Variants in BBS2 observed in about 807,000 individuals in gnomAD.
The protein encoded by BBS2 is Bardet-Biedl syndrome 2.
Under a neutral mutation model 83.0 loss-of-function variants are expected in BBS2, and 62 were observed. The observed-to-expected ratio is 0.75, with a 90% CI of 0.61 to 0.92. BBS2 has a LOEUF of 0.92. Ranked by LOEUF, BBS2 falls within the 40% of genes least tolerant of loss-of-function variation. The pLI is 0.00. For synonymous variants in BBS2, 303 were observed against 326.1 expected (o/e 0.93, Z 0.76); for missense variants, 784 against 901.0 (o/e 0.87, Z 1.66).
chr16:56,505,105 G>A (rs1264959281), intron 7 of BBS2, among the ~76,000 whole-genome samples: 5 of 152,084 alleles, frequency 3.3e-5, no homozygotes, highest in Non-Finnish European at 7.4e-5. Flanking sequence ...CCCACCCTAT[G>A]GTATTTTGTT....
chr16:56,498,688 GT>G, intron 12 of BBS2, 120 bp from the exon 13 acceptor site: 1 of 1,538,332 alleles, frequency 6.5e-7, no homozygotes. Context: ...CTTCTTTCTA[GT>G]TTTACTGCTT....
intron 16 of BBS2, among the ~76,000 whole-genome samples, 157 bp from the exon 17 acceptor site, chr16:56,485,024 G>A (rs565503337): frequency 6.6e-6 from 1 of 152,214 alleles, no homozygotes; most frequent in African/African-American, 2.4e-5. Context: ...CTTGGTGAGG[G>A]AATTATTGAA....
chr16:56,480,679 A>C (rs1307459327), downstream of BBS2, among the ~76,000 whole-genome samples: 1 of 152,264 alleles, frequency 6.6e-6, no homozygotes, highest in South Asian at 2.1e-4. Flanking sequence ...CTTGAATAAG[A>C]AGTTTTGGGG....
At chr16:56,498,323 G>T in intron 13 of BBS2, 114 bp downstream of exon 13, 1 of 1,370,160 alleles carries the variant, frequency 7.3e-7, no homozygotes, top group Non-Finnish European at 1.0e-6. Flanking sequence ...ACCTCACTTT[G>T]GACTGAATGG....
intron 15 of BBS2, 70 bp from the exon 16 acceptor site, chr16:56,485,808 T>G: frequency 2.1e-6 from 3 of 1,429,838 alleles, no homozygotes; most frequent in Non-Finnish European, 2.9e-6. Context: ...ACTTGCAAAT[T>G]TCTTAGACAT....
At chr16:56,472,283 TTC>T (rs1246670846) in intron 17 of BBS2, among the ~76,000 whole-genome samples, 1 of 152,144 alleles carries the variant, frequency 6.6e-6, no homozygotes, top group Non-Finnish European at 1.5e-5. Flanking sequence ...ACTTGTCCAG[TTC>T]TATTCCTTTT....
chr16:56,498,779 A>ACC, intron 12 of BBS2: 1 of 1,351,702 alleles, frequency 7.4e-7, no homozygotes, highest in Non-Finnish European at 9.9e-7. Context: ...CCCTTTTCTC[A>ACC]CCTCACCTAT....
At chr16:56,474,800 A>G (rs1156364973) in intron 17 of BBS2, 1 of 1,585,328 alleles carries the variant, frequency 6.3e-7, no homozygotes, top group African/African-American at 1.4e-5. Flanking sequence ...TATTTTTTAA[A>G]GTTTCTCATC....
chr16:56,508,824 T>A (rs1448809685), intron 5 of BBS2, among the ~76,000 whole-genome samples: 1 of 151,974 alleles, frequency 6.6e-6, no homozygotes, highest in African/African-American at 2.4e-5. Flanking sequence ...TTTTTTAATA[T>A]TTTTTGTAGA....
At chr16:56,498,378 A>C (rs1015427315) in intron 13 of BBS2, 59 bp downstream of exon 13, 6 of 1,588,928 alleles carry the variant, frequency 3.8e-6, no homozygotes, top group Non-Finnish European at 4.3e-6. Flanking sequence ...TCCATGGTCT[A>C]AGTGTTTGAA....
chr16:56,497,671 T>C lies in BBS2; in HGVS notation c.1797+72A>G. 8 of 1,582,994 alleles carry C rather than the reference T, an allele frequency of 5.1e-6. No homozygotes were observed. In the South Asian group the frequency reaches 8.9e-5, roughly 18 times the overall value. On this transcript the variant is annotated intron_variant, in intron 14 of 16. Coordinates refer to ENST00000245157, the MANE Select transcript of BBS2 (RefSeq NM_031885.5). ...CATCACTATAACATAAGTACATTTG[T>C]AGTACCATTAATCTCCTCAAATATT... is the stretch of plus-strand genomic sequence containing the variant.
downstream of BBS2, among the ~76,000 whole-genome samples, chr16:56,480,352 C>CA (rs1286219655): frequency 0.011 from 876 of 76,510 alleles, 16 homozygotes; most frequent in Admixed American, 0.014. Context: ...CACACACACA[C>CA]AAAAAAAAAA....
At position 56,485,586 on chromosome 16, in the gene BBS2, T is replaced by C. The variant is rs1344238069; in HGVS notation, c.2059+4A>G. 1.9e-6 allele frequency: 3 copies of C among 1,614,086 alleles called. No homozygotes were observed. The highest frequency in any genetic ancestry group is 2.5e-6 in the Non-Finnish European group (3 of 1,179,962). The stretch of plus-strand genomic sequence containing the variant: ...AAAGTGCAGTGTTATGAAAAGAGAC[T>C]TACCCCGCAGACGACCTGCTCTTTG... On this transcript the variant is annotated splice_donor_region_variant and intron_variant, in intron 16 of 16. Coordinates refer to ENST00000245157, the MANE Select transcript of BBS2 (RefSeq NM_031885.5).
chr16:56,480,970 G>C (rs1374814877), downstream of BBS2, among the ~76,000 whole-genome samples: 1 of 152,170 alleles, frequency 6.6e-6, no homozygotes, highest in African/African-American at 2.4e-5. Flanking sequence ...CTAGAGCATA[G>C]AGTGTGGGCA....
At chr16:56,490,144 A>G (rs1963905735) in intron 15 of BBS2, among the ~76,000 whole-genome samples, 1 of 151,594 alleles carries the variant, frequency 6.6e-6, no homozygotes, top group South Asian at 2.1e-4. Context: ...ACACACACAC[A>G]CACACAAAAA....
chr16:56,502,397 C>G lies in BBS2; in HGVS notation c.1000G>C (p.Glu334Gln). ...CTCAGCTCTCGGATCAGGTCCTGCT[C>G]TGCACTGGTGTCCATGAGGTTGCCC... is the stretch of plus-strand genomic sequence containing the variant. Reference protein sequence around the residue: ...MRGNLMDTSAEQDLIRELSQK... With the variant: ...MRGNLMDTSAQQDLIRELSQK... The change falls in exon 9 of 17, where the codon GAG (glutamate) becomes CAG (glutamine). Residue 334 changes from glutamate (E) to glutamine (Q), a missense_variant. By Grantham distance (29) the Glu-to-Gln change is conservative. Coordinates refer to ENST00000245157, the MANE Select transcript of BBS2 (RefSeq NM_031885.5). 1 of 1,614,256 alleles carries G rather than the reference C, an allele frequency of 6.2e-7. No individual in the cohort carries two copies. The highest frequency in any genetic ancestry group is 1.3e-5 in the African/African-American group (1 of 75,074).
At chr16:56,481,646 T>C (rs567725595), downstream of BBS2, among the ~76,000 whole-genome samples, 1 of 152,328 alleles carries the variant, frequency 6.6e-6, no homozygotes, top group Admixed American at 6.5e-5. Flanking sequence ...CTGTAGCTTC[T>C]AGAAGTACTC....
chr16:56,478,277 G>T, intron 17 of BBS2: 1 of 152,198 alleles, frequency 6.6e-6, no homozygotes, highest in Non-Finnish European at 1.5e-5. Context: ...TCCTGCCTCA[G>T]CCTCCTAAGT....
At position 56,519,783 on chromosome 16, in the gene BBS2, G is replaced by A. The variant is rs1259379121; in HGVS notation, c.80C>T (p.Thr27Ile). ...GGTGGCGGCCGCCAGGCACGGGTGA[G>A]TCCCGTCGTAGCGCCCTATGGCCAC... is the stretch of plus-strand genomic sequence containing the variant. ...RMVAIGRYDG[T>I]HPCLAAATQT... The change falls in exon 1 of 17, where the codon ACT becomes ATT. Residue 27 changes from threonine (T) to isoleucine (I), a missense_variant. Transcript: ENST00000245157. 2 of 1,613,698 alleles carry A rather than the reference G, an allele frequency of 1.2e-6. No individual in the cohort carries two copies. Among genetic ancestry groups the A allele is most frequent in the Non-Finnish European group, 1.7e-6 (2 of 1,179,788 alleles).
Sources: allele counts gnomAD v4.1 joint callset (sites outside exome capture counted in the v4.1 genomes callset), GRCh38; gene constraint gnomAD v4.1.1; transcripts MANE v1.5; gene names NCBI Gene and HGNC (gene_info 2026-07-23, HGNC 2026-07-21).